The following IFT57 variants were observed in gnomAD, a reference collection of about 807,000 sequenced individuals.
The protein encoded by IFT57 is intraflagellar transport 57.
In IFT57, 59 loss-of-function variants were observed where a neutral mutation model predicts 56.8. That is an observed-to-expected ratio of 1.04 (90% confidence interval 0.84 to 1.29). The LOEUF is 1.29. IFT57 is among the 50% of genes most tolerant of loss of function. IFT57 has a pLI of 0.00. For synonymous variants in IFT57, 209 were observed against 186.1 expected (o/e 1.12, Z -1.00); for missense variants, 470 against 522.1 (o/e 0.90, Z 0.97).
At chr3:108,164,823 C>T (rs1340118267) in intron 9 of IFT57, among the ~76,000 whole-genome samples, 2 of 152,034 alleles carry the variant, frequency 1.3e-5, no homozygotes, top group Admixed American at 1.3e-4. Flanking sequence ...AACCAAAGAT[C>T]ATCTTGGATT....
intron 6 of IFT57, among the ~76,000 whole-genome samples, chr3:108,173,808 G>GTGTGTGTA (rs771647277): frequency 0.032 from 4,060 of 126,668 alleles, 86 homozygotes; most frequent in East Asian, 0.072. Context: ...GTGTGTGTGT[G>GTGTGTGTA]TATATAATAT....
At chr3:108,164,415 G>A (rs1319451269) in intron 9 of IFT57, among the ~76,000 whole-genome samples, 2 of 151,958 alleles carry the variant, frequency 1.3e-5, no homozygotes, top group Non-Finnish European at 2.9e-5. Flanking sequence ...TTTTTTACAT[G>A]ATCTACAACT....
At chr3:108,206,973 A>G (rs2080317467) in intron 4 of IFT57, among the ~76,000 whole-genome samples, 1 of 152,132 alleles carries the variant, frequency 6.6e-6, no homozygotes, top group African/African-American at 2.4e-5. Flanking sequence ...AAAGGAAGGG[A>G]GCCATTGCTA....
intron 4 of IFT57, among the ~76,000 whole-genome samples, chr3:108,208,573 T>C (rs59142860): frequency 0.091 from 13,916 of 152,104 alleles, 699 homozygotes; most frequent in Middle Eastern, 0.12. Context: ...AATCAAGGGG[T>C]GGAAATGGAG....
intron 5 of IFT57, among the ~76,000 whole-genome samples, chr3:108,198,488 T>A (rs1036799975): frequency 6.6e-6 from 1 of 152,056 alleles, no homozygotes; most frequent in African/African-American, 2.4e-5. Flanking sequence ...GTCACCCAGG[T>A]TGGAGTGCAG....
At chr3:108,168,611 G>A (rs2080075402) in intron 6 of IFT57, among the ~76,000 whole-genome samples, 1 of 151,800 alleles carries the variant, frequency 6.6e-6, no homozygotes, top group Admixed American at 6.6e-5. Context: ...AGCCCTGCAT[G>A]CATTAGGTAT....
chr3:108,173,695 G>C (rs2080106774), intron 6 of IFT57, among the ~76,000 whole-genome samples: 1 of 151,174 alleles, frequency 6.6e-6, no homozygotes, highest in African/African-American at 2.4e-5. Flanking sequence ...AGTTTCTACT[G>C]AATGAATATC....
Position 108,161,534 on chromosome 3 carries a change from A to AT in IFT57, c.*942dup, listed in dbSNP as rs2080032021. On this transcript the variant is annotated 3_prime_UTR_variant, in exon 11 of 11. Coordinates refer to ENST00000264538, the MANE Select transcript of IFT57 (RefSeq NM_018010.4). Reference sequence around the variant, plus strand: ...TTTTCTACCACTGCTTTTGAAAATTATTAAAAAAAAAAAATTAACGCAGGC... The same window carrying AT: ...TTTTCTACCACTGCTTTTGAAAATTATTTAAAAAAAAAAAATTAACGCAGGC... 3.5e-4 allele frequency: 2 copies of AT among 5,680 alleles called. No individual in the cohort carries two copies. The highest frequency in any genetic ancestry group is 1.3e-3 in the Non-Finnish European group (1 of 796). 0.4% of individuals were successfully genotyped at this position (5,680 alleles called of 1,614,324 possible). A position where few individuals can be genotyped will look rare whatever the true frequency, so the allele number is the denominator to read the frequency against.
At chr3:108,218,057 G>A (rs1438852084) in intron 3 of IFT57, among the ~76,000 whole-genome samples, 1 of 151,868 alleles carries the variant, frequency 6.6e-6, no homozygotes, top group Non-Finnish European at 1.5e-5. Flanking sequence ...CAAAAGCAAT[G>A]AACAATGTCT....
intron 5 of IFT57, among the ~76,000 whole-genome samples, chr3:108,200,387 T>A (rs1253175012): frequency 6.6e-6 from 1 of 151,422 alleles, no homozygotes. Flanking sequence ...ACTACCGAGA[T>A]GGCCTGGGTA....
intron 6 of IFT57, among the ~76,000 whole-genome samples, chr3:108,178,660 C>T (rs551013821): frequency 2.0e-5 from 3 of 151,792 alleles, no homozygotes; most frequent in East Asian, 3.9e-4. Flanking sequence ...ATAAGTCAAC[C>T]GGGAAATGCA....
At chr3:108,184,052 A>G (rs115804451) in intron 6 of IFT57, among the ~76,000 whole-genome samples, 3 of 152,152 alleles carry the variant, frequency 2.0e-5, no homozygotes, top group African/African-American at 7.2e-5. Context: ...TTATCCTTCA[A>G]TAATTGTCCT....
intron 6 of IFT57, among the ~76,000 whole-genome samples, chr3:108,181,405 C>CA (rs2080150597): frequency 6.6e-6 from 1 of 152,006 alleles, no homozygotes; most frequent in Admixed American, 6.6e-5. Context: ...TTTAAGTCCA[C>CA]AAAATAACAC....
chr3:108,221,528 G>A (rs1400749107), intron 1 of IFT57, among the ~76,000 whole-genome samples: 1 of 152,168 alleles, frequency 6.6e-6, no homozygotes, highest in African/African-American at 2.4e-5. Context: ...TGAGAGTATG[G>A]TTATTACAAA....
At chr3:108,187,644 A>T (rs76116353) in intron 6 of IFT57, among the ~76,000 whole-genome samples, 3 of 119,372 alleles carry the variant, frequency 2.5e-5, no homozygotes, top group Admixed American at 1.7e-4. Context: ...GTGCCTGATT[A>T]AAAAAAAAAA....
chr3:108,190,555 A>G (rs2080210086), intron 6 of IFT57, among the ~76,000 whole-genome samples: 1 of 152,232 alleles, frequency 6.6e-6, no homozygotes, highest in Non-Finnish European at 1.5e-5. Flanking sequence ...GCCTTCTGCC[A>G]TGATTGTTTA....
chr3:108,189,690 A>G (rs2080204278), intron 6 of IFT57, among the ~76,000 whole-genome samples: 1 of 152,148 alleles, frequency 6.6e-6, no homozygotes, highest in Non-Finnish European at 1.5e-5. Flanking sequence ...TTCTGAAGTC[A>G]TTACAGTTGA....
chr3:108,166,081 A>G (rs9814209), intron 8 of IFT57, among the ~76,000 whole-genome samples: 14,650 of 152,162 alleles, frequency 0.096, 771 homozygotes, highest in Middle Eastern at 0.12. Context: ...AAATAACATC[A>G]AAAAGTGTAG....
chr3:108,215,010 C>T (rs1245324549), intron 3 of IFT57, among the ~76,000 whole-genome samples: 1 of 152,100 alleles, frequency 6.6e-6, no homozygotes, highest in Non-Finnish European at 1.5e-5. Flanking sequence ...TATAGTTTTA[C>T]TTTTCATATT....
Sources: gnomAD v4.1 joint callset for allele counts (sites outside exome capture counted in the v4.1 genomes callset) on GRCh38, gnomAD v4.1.1 for gene constraint, MANE v1.5 for transcripts, NCBI Gene and HGNC (gene_info 2026-07-23, HGNC 2026-07-21) for gene names.